The following NEMP1 variants were observed in gnomAD, a reference collection of about 807,000 sequenced individuals.
NEMP1 encodes transmembrane protein 194.
NEMP1 carries 29 observed loss-of-function variants against 53.7 expected under a neutral mutation model. That is an observed-to-expected ratio of 0.54 (90% CI 0.40 to 0.74). NEMP1 has a LOEUF of 0.74. Among genes scored for constraint, NEMP1 ranks in the 30% least tolerant of loss-of-function variants. The pLI is 0.00. For missense variants in NEMP1, 477 were observed against 528.6 expected, an observed-to-expected ratio of 0.90 and a Z score of 0.96; for synonymous variants, 193 against 192.9, an observed-to-expected ratio of 1.00 and a Z score of 0.00.
chr12:57,064,843 G>T (rs1483824103), intron 4 of NEMP1, 104 bp from the exon 5 acceptor site: 1 of 808,354 alleles, frequency 1.2e-6, no homozygotes, highest in Admixed American at 2.5e-5. Flanking sequence ...AAAGGTACAA[G>T]ATTAGAGCAG....
chr12:57,078,060 GAC>G (rs1470510217), intron 1 of NEMP1, among the ~76,000 whole-genome samples: 4 of 152,166 alleles, frequency 2.6e-5, no homozygotes, highest in African/African-American at 9.7e-5. Context: ...CAGCCTGAGT[GAC>G]AGAGCTAGAC....
rs751139561 is a variant in NEMP1 at position 57,070,726 on chromosome 12, G to A, written c.420C>T (p.Leu140=). The change falls in exon 3 of 9, where the codon CTC becomes CTT. Residue 140 remains leucine, a synonymous_variant. Coordinates refer to ENST00000300128, the MANE Select transcript of NEMP1 (RefSeq NM_001130963.2). ...NVGLYSTKTC[L]KVEIIEKDTK... ...TGTCCTTCTCTATAATCTCAACTTT[G>A]AGGCAGGTTTTTGTGCTGTATAGAC... 4 of 1,569,930 alleles carry A rather than the reference G, an allele frequency of 2.5e-6. No homozygotes were observed. In the South Asian group the frequency reaches 4.6e-5, roughly 18 times the overall value.
intron 7 of NEMP1, among the ~76,000 whole-genome samples, chr12:57,061,296 A>G (rs937718251): frequency 6.6e-6 from 1 of 152,264 alleles, no homozygotes; most frequent in Non-Finnish European, 1.5e-5. Flanking sequence ...ATTATAGTCA[A>G]TATTATTCAC....
chr12:57,084,999 T>G (rs929158025), intron 1 of NEMP1, among the ~76,000 whole-genome samples: 2 of 152,184 alleles, frequency 1.3e-5, no homozygotes. Flanking sequence ...ATATTTTTAA[T>G]GTAATGTACC....
At chr12:57,079,301 G>C (rs1015583091), upstream of NEMP1, among the ~76,000 whole-genome samples, 1 of 152,172 alleles carries the variant, frequency 6.6e-6, no homozygotes, top group Non-Finnish European at 1.5e-5. Context: ...TCACAAAAAA[G>C]TGTGTGTCAA....
intron 2 of NEMP1, among the ~76,000 whole-genome samples, chr12:57,071,907 A>G (rs1456323620): frequency 6.6e-6 from 1 of 152,200 alleles, no homozygotes; most frequent in Non-Finnish European, 1.5e-5. Context: ...TATGCTTATA[A>G]CAACTACGAC....
intron 1 of NEMP1, among the ~76,000 whole-genome samples, chr12:57,077,093 G>C (rs2136518243): frequency 6.6e-6 from 1 of 152,260 alleles, no homozygotes; most frequent in African/African-American, 2.4e-5. Context: ...AGCACTTTGG[G>C]AGGCCGAGGC....
intron 1 of NEMP1, among the ~76,000 whole-genome samples, chr12:57,075,479 A>G (rs1411953119): frequency 1.3e-5 from 2 of 149,802 alleles, no homozygotes; most frequent in Non-Finnish European, 3.0e-5. Flanking sequence ...TGGGCGACAG[A>G]GCAAGACTCC....
intron 1 of NEMP1, among the ~76,000 whole-genome samples, chr12:57,077,112 C>T (rs984404118): frequency 1.4e-3 from 215 of 152,172 alleles, no homozygotes; most frequent in African/African-American, 5.1e-3. Context: ...GCGGGCGGAT[C>T]ACGAGGTCAG....
chr12:57,087,070 T>G (rs1434717228), intron 1 of NEMP1, among the ~76,000 whole-genome samples: 1 of 152,172 alleles, frequency 6.6e-6, no homozygotes, highest in East Asian at 1.9e-4. Flanking sequence ...AGGCCCCTTC[T>G]GCGGAATTTC....
At position 57,067,410 on chromosome 12, in the gene NEMP1, T is replaced by C. The variant is rs1489606575; in HGVS notation, c.545+1824A>G. On this transcript the variant is annotated intron_variant, in intron 4 of 8. Transcript: ENST00000300128. ...ATAATTGCAACAGCAGCATCAAAGA[T>C]CACTGATTATGGATCACCATAACAG... is the stretch of plus-strand genomic sequence containing the variant. Among the ~76,000 whole-genome samples, 3 of 152,126 alleles carry C rather than the reference T, an allele frequency of 2.0e-5. No homozygotes were observed. In the East Asian group the frequency reaches 5.8e-4, roughly 29 times the overall value.
chr12:57,079,344 A>G (rs2032774462), upstream of NEMP1, among the ~76,000 whole-genome samples: 1 of 152,264 alleles, frequency 6.6e-6, no homozygotes, highest in African/African-American at 2.4e-5. Context: ...GCTTTTAAAA[A>G]TGTATTCATA....
intron 7 of NEMP1, among the ~76,000 whole-genome samples, chr12:57,062,561 A>C (rs1408933726): frequency 6.6e-6 from 1 of 151,942 alleles, no homozygotes; most frequent in Non-Finnish European, 1.5e-5. Flanking sequence ...GCAGTGGCTC[A>C]TGTCTGTAAT....
intron 2 of NEMP1, 37 bp downstream of exon 2, chr12:57,072,751 C>A: frequency 6.4e-7 from 1 of 1,554,402 alleles, no homozygotes; most frequent in Non-Finnish European, 8.7e-7. Flanking sequence ...CAGAAATTTA[C>A]AGAAGCTGCC....
chr12:57,063,910 T>C (rs546844084), intron 6 of NEMP1, among the ~76,000 whole-genome samples, 161 bp downstream of exon 6: 1 of 152,322 alleles, frequency 6.6e-6, no homozygotes, highest in African/African-American at 2.4e-5. Context: ...AAGGTGATAA[T>C]TGTAGAGGGA....
chr12:57,065,521 C>CTTT (rs548466246), intron 4 of NEMP1, among the ~76,000 whole-genome samples: 2 of 134,978 alleles, frequency 1.5e-5, no homozygotes, highest in Admixed American at 7.4e-5. Flanking sequence ...CTTGGTTCAT[C>CTTT]TTTTTTTTTT....
chr12:57,083,068 T>G (rs964857107), upstream of NEMP1, among the ~76,000 whole-genome samples: 2 of 152,116 alleles, frequency 1.3e-5, no homozygotes, highest in African/African-American at 4.8e-5. Context: ...TATAGATATG[T>G]ATATGTATTT....
chr12:57,062,519 C>T (rs1195892524), intron 7 of NEMP1, among the ~76,000 whole-genome samples: 2 of 150,426 alleles, frequency 1.3e-5, no homozygotes, highest in Middle Eastern at 3.3e-3. Context: ...AATGAGCATA[C>T]GGTATAAAAG....
chr12:57,067,621 A>C (rs1407098353), intron 4 of NEMP1, among the ~76,000 whole-genome samples: 1 of 152,202 alleles, frequency 6.6e-6, no homozygotes, highest in Non-Finnish European at 1.5e-5. Flanking sequence ...CAATAAAGTG[A>C]TGTGTGACTA....
Sources: gnomAD v4.1 joint callset for allele counts (sites outside exome capture counted in the v4.1 genomes callset) on GRCh38, gnomAD v4.1.1 for gene constraint, MANE v1.5 for transcripts, NCBI Gene and HGNC (gene_info 2026-07-23, HGNC 2026-07-21) for gene names.